SORBS3: variants seen among roughly 807,000 people sequenced by gnomAD.
The protein encoded by SORBS3 is sorbin and SH3 domain containing 3.
SORBS3 carries 69 observed loss-of-function variants against 98.0 expected under a neutral mutation model. The ratio of observed to expected loss-of-function variants is 0.70; its 90% confidence interval spans 0.58 to 0.86. The LOEUF is 0.86. Among genes scored for constraint, SORBS3 ranks in the 40% least tolerant of loss-of-function variants. SORBS3 has a pLI of 0.00. For missense variants in SORBS3, 954 were observed against 908.5 expected, an observed-to-expected ratio of 1.05 and a Z score of -0.64; for synonymous variants, 394 against 355.4, an observed-to-expected ratio of 1.11 and a Z score of -1.22.
chr8:22,553,121 G>A (rs1438842432), intron 1 of SORBS3, among the ~76,000 whole-genome samples: 3 of 151,894 alleles, frequency 2.0e-5, no homozygotes, highest in Non-Finnish European at 4.4e-5. Flanking sequence ...ATCCCCTCTG[G>A]GCCCCCAACT....
intron 3 of SORBS3, among the ~76,000 whole-genome samples, chr8:22,555,457 G>C (rs900287342): frequency 2.6e-4 from 39 of 152,188 alleles, no homozygotes; most frequent in African/African-American, 9.2e-4. Context: ...CTCCTAAAGT[G>C]ACATCCTTTA....
At position 22,561,914 on chromosome 8, in the gene SORBS3, G is replaced by A. The variant is rs201483209; in HGVS notation, c.567G>A (p.Pro189=). The A allele has an allele frequency of 2.2e-5, 35 of 1,614,012 alleles. No individual in the cohort carries two copies. The African/African-American group carries it at 3.9e-4, about 18-fold the overall frequency. ...AQQRPAHRPG[P]ATSSSGRSWD... is the part of the protein sequence containing the mutation. ...AAAGACCTGCCCACAGGCCCGGCCC[G>A]GCAACATCTTCCAGTGGGTGAGCAC... The change falls in exon 7 of 21, where the codon CCG becomes CCA. Residue 189 remains proline, a synonymous_variant. Transcript: ENST00000240123.
In SORBS3 at chr8:22,569,059, C is replaced by T. The variant is rs1196171842; in HGVS notation, c.1306-89C>T. The T allele has an allele frequency of 2.2e-5, 30 of 1,373,928 alleles. No homozygotes were observed. In the Middle Eastern group the frequency reaches 5.7e-4, roughly 26 times the overall value. 85.1% of individuals were successfully genotyped at this position (1,373,928 alleles called of 1,614,324 possible). A position where few individuals can be genotyped will look rare whatever the true frequency, so the allele number is the denominator to read the frequency against. On this transcript the variant is annotated intron_variant, in intron 16 of 20. Transcript: ENST00000240123. Reference sequence around the variant, plus strand: ...TCTTTTCTCTGCCTAGGGGCGGGCCCACCTTCTCTTTGCTGTCTCACAGGA... The same window carrying T: ...TCTTTTCTCTGCCTAGGGGCGGGCCTACCTTCTCTTTGCTGTCTCACAGGA...
Position 22,565,269 on chromosome 8 carries a change from T to G in SORBS3, c.818T>G (p.Val273Gly), listed in dbSNP as rs781280250. 57 of 1,551,868 alleles carry G rather than the reference T, an allele frequency of 3.7e-5. No homozygotes were observed. In the African/African-American group the frequency reaches 7.2e-4, roughly 20 times the overall value. ...TGCCCAGCCTCTCCCCGCCCCCAGG[T>G]GCTGCTGGAGAGAGAGCTGGCCGAG... ...PGEKPSQPIE[V>G]LLERELAELS... The change falls in exon 11 of 21, where the codon GTG becomes GGG. Residue 273 changes from valine to glycine, a missense_variant and splice_region_variant. Val to Gly is a moderately radical substitution (Grantham distance 109). Transcript: ENST00000240123.
chr8:22,570,885 C>A (rs779100953), intron 17 of SORBS3, 25 bp from the exon 18 acceptor site: 2 of 1,566,666 alleles, frequency 1.3e-6, no homozygotes, highest in East Asian at 2.3e-5. Flanking sequence ...GAAGGCCCCA[C>A]AGACACTGAC....
chr8:22,551,658 C>A (rs1840083310), upstream of SORBS3: 1 of 902,216 alleles, frequency 1.1e-6, no homozygotes, highest in Non-Finnish European at 1.3e-6. This position sits in a 1 kb window ranked among gnomAD's most constrained non-coding sequence, Gnocchi z 5.8. Flanking sequence ...GCCTCCCCGC[C>A]GGCCAGGCCT....
rs1563814159 is a variant in SORBS3 at position 22,554,470 on chromosome 8, G to C, written c.-37G>C. On this transcript the variant is annotated 5_prime_UTR_variant, in exon 2 of 21. Transcript: ENST00000240123. This position sits in a 1 kb window ranked among gnomAD's most constrained non-coding sequence, Gnocchi z 6.5. Reference sequence around the variant, plus strand: ...CCCACAGAGGACACGCAGAGGAGCAGCTGGCTTGCCCGGAGTCCTCCCACC... The same window carrying C: ...CCCACAGAGGACACGCAGAGGAGCACCTGGCTTGCCCGGAGTCCTCCCACC... The C allele has an allele frequency of 6.3e-7, 1 of 1,597,952 alleles. No homozygotes were observed. Among genetic ancestry groups the C allele is most frequent in the Non-Finnish European group, 8.5e-7 (1 of 1,175,462 alleles).
At chr8:22,563,452 C>G (rs1208740735) in intron 7 of SORBS3, among the ~76,000 whole-genome samples, 1 of 151,040 alleles carries the variant, frequency 6.6e-6, no homozygotes, top group African/African-American at 2.4e-5. Flanking sequence ...GCCCAGGGAG[C>G]AGAAATAACT....
chr8:22,554,763 G>T lies in SORBS3; in HGVS notation c.103-100G>T. On this transcript the variant is annotated intron_variant, in intron 2 of 20. Transcript: ENST00000240123. The surrounding 1 kb of genome is among the most constrained non-coding windows in gnomAD (Gnocchi z 6.5). ...GGTTTCCCACAAAATCGTCAGGCGG[G>T]CCTGGGACTGTCACCGAGGGGTGTG... 1.4e-6 allele frequency: 2 copies of T among 1,389,854 alleles called. No homozygotes were observed. 86.1% of individuals were successfully genotyped at this position (1,389,854 alleles called of 1,614,324 possible).
intron 12 of SORBS3, chr8:22,566,113 GT>G: frequency 1.7e-6 from 1 of 591,978 alleles, no homozygotes; most frequent in Non-Finnish European, 2.5e-6. Context: ...GCGCAGCGCG[GT>G]TAGGGCGGCC....
chr8:22,567,935 C>T (rs757190150), intron 16 of SORBS3, among the ~76,000 whole-genome samples: 13 of 151,680 alleles, frequency 8.6e-5, no homozygotes, highest in Non-Finnish European at 1.5e-4. Flanking sequence ...GCAACCTCCA[C>T]CTCCCTGGTT....
chr8:22,563,236 C>G (rs1313285692), intron 7 of SORBS3, among the ~76,000 whole-genome samples: 4 of 152,212 alleles, frequency 2.6e-5, no homozygotes, highest in Non-Finnish European at 4.4e-5. Context: ...AATCCCAACC[C>G]TTGGTCAGAC....
At chr8:22,551,864 G>C (rs1316768691), upstream of SORBS3, 1 of 984,458 alleles carries the variant, frequency 1.0e-6, no homozygotes, top group Non-Finnish European at 1.2e-6. The surrounding 1 kb of genome is among the most constrained non-coding windows in gnomAD (Gnocchi z 5.8). Context: ...GCCGGCGCCC[G>C]GCCCGGCCCG....
intron 18 of SORBS3, 86 bp from the exon 19 acceptor site, chr8:22,571,632 C>G: frequency 1.0e-6 from 1 of 978,050 alleles, no homozygotes; most frequent in Non-Finnish European, 1.6e-6. Context: ...GGACTGGGAA[C>G]GCCCATTTTG....
At position 22,566,434 on chromosome 8, in the gene SORBS3, G is replaced by A. The variant is rs1359199896; in HGVS notation, c.1040G>A (p.Gly347Glu). 1.9e-6 allele frequency: 3 copies of A among 1,614,024 alleles called. No individual in the cohort carries two copies. Among genetic ancestry groups the A allele is most frequent in the Non-Finnish European group, 1.7e-6 (2 of 1,179,954 alleles). ...SLSPHKMADG[G>E]SPFLGRRDFV... ...AGTCCCCACAAAATGGCTGATGGAGGAAGCCCCTTCCTAGGTCGGAGGGAC... is the reference window on the plus strand; with the variant it reads ...AGTCCCCACAAAATGGCTGATGGAGAAAGCCCCTTCCTAGGTCGGAGGGAC... The change falls in exon 13 of 21, where the codon GGA (glycine) becomes GAA (glutamate). Residue 347 changes from glycine (G) to glutamate (E), a missense_variant. Coordinates refer to ENST00000240123, the MANE Select transcript of SORBS3 (RefSeq NM_005775.5).
At chr8:22,557,612 C>T (rs1331786164) in intron 4 of SORBS3, among the ~76,000 whole-genome samples, 1 of 151,858 alleles carries the variant, frequency 6.6e-6, no homozygotes, top group African/African-American at 2.4e-5. Flanking sequence ...TCCAGACCAG[C>T]CTGGGCAACA....
intron 12 of SORBS3, 134 bp downstream of exon 12, chr8:22,566,006 C>A: frequency 1.6e-6 from 1 of 627,174 alleles, no homozygotes; most frequent in Non-Finnish European, 2.3e-6. Context: ...GAGCCGTGTC[C>A]GGGAGGGACC....
chr8:22,560,683 TA>T (rs1371768010), intron 5 of SORBS3, among the ~76,000 whole-genome samples: 1 of 150,528 alleles, frequency 6.6e-6, no homozygotes, highest in African/African-American at 2.5e-5. Flanking sequence ...AGACGGGGAG[TA>T]GGGGGATTGG....
At position 22,575,153 on chromosome 8, in the gene SORBS3, C is replaced by T; in HGVS notation, c.*425C>T. On this transcript the variant is annotated 3_prime_UTR_variant, in exon 21 of 21. Transcript: ENST00000240123. ...CGTAGAGACCAAAGGCCGCCCCCGC[C>T]TGCTGGGGTTCCTCCCAGCACCCCA... 1 of 328,628 alleles carries T rather than the reference C, an allele frequency of 3.0e-6. No individual in the cohort carries two copies. The highest frequency in any genetic ancestry group is 6.0e-6 in the Non-Finnish European group (1 of 165,890). The allele number at this position is 328,628 out of a possible 1,614,324, so 20.4% of individuals were successfully genotyped here.
Sources: allele counts gnomAD v4.1 joint callset (sites outside exome capture counted in the v4.1 genomes callset), GRCh38; gene constraint gnomAD v4.1.1; non-coding constraint Gnocchi (gnomAD v3.1); transcripts MANE v1.5; gene names NCBI Gene and HGNC (gene_info 2026-07-23, HGNC 2026-07-21).